Variants in SIGLEC14 observed in about 807,000 individuals in gnomAD.
SIGLEC14 encodes sialic acid binding Ig like lectin 14.
SIGLEC14 carries 11 observed loss-of-function variants against 34.2 expected under a neutral mutation model. The ratio of observed to expected loss-of-function variants is 0.32; its 90% CI spans 0.20 to 0.53. The LOEUF is 0.53. Among genes scored for constraint, SIGLEC14 ranks in the 20% least tolerant of loss-of-function variants. SIGLEC14 has a pLI of 0.95. For synonymous variants in SIGLEC14, 99 were observed against 179.7 expected (o/e 0.55, Z 3.59); for missense variants, 264 against 439.0 (o/e 0.60, Z 3.56).
intron 4 of SIGLEC14, among the ~76,000 whole-genome samples, chr19:51,644,598 G>T (rs933852191): frequency 1.5e-5 from 2 of 137,314 alleles, no homozygotes; most frequent in Non-Finnish European, 3.1e-5. Flanking sequence ...GGTTGAGCAC[G>T]AGACTTGAGC....
chr19:51,640,110 G>A lies in SIGLEC14; in HGVS notation c.*3245C>T, dbSNP rs560032642. Reference sequence around the variant, plus strand: ...ATTTTGGAAAATTATCCTTCAAAACGAAAGAGAAGGAGTCGTGCTTTTATT... The same window carrying A: ...ATTTTGGAAAATTATCCTTCAAAACAAAAGAGAAGGAGTCGTGCTTTTATT... On this transcript the variant is annotated 3_prime_UTR_variant, in exon 7 of 7. Transcript: ENST00000360844. Among the ~76,000 whole-genome samples, 2 of 139,212 alleles carry A rather than the reference G, an allele frequency of 1.4e-5. No homozygotes were observed. The highest frequency in any genetic ancestry group is 3.1e-5 in the Non-Finnish European group (2 of 64,958). The allele number at this position is 139,212 out of a possible 152,430, so 91.3% of individuals were successfully genotyped here.
rs7247844 is a variant in SIGLEC14, at chr19:51,641,845, G to A, written c.*1510C>T. Among the ~76,000 whole-genome samples the A allele has an allele frequency of 0.066, 9,151 of 138,202 alleles. 1,937 individuals carry two copies. The highest frequency in any genetic ancestry group is 0.18 in the East Asian group (517 of 2,922). 90.7% of individuals were successfully genotyped at this position (138,202 alleles called of 152,430 possible). A position where few individuals can be genotyped will look rare whatever the true frequency, so the allele number is the denominator to read the frequency against. On this transcript the variant is annotated 3_prime_UTR_variant, in exon 7 of 7. Transcript: ENST00000360844. The stretch of plus-strand genomic sequence containing the variant: ...TGAGGAAAATAACTAATGGGTACTA[G>A]GCTTAATATCTGGGTGATGCAATAA...
Position 51,642,720 on chromosome 19 carries a change from G to A in SIGLEC14, c.*635C>T. 7.2e-6 allele frequency: 1 copy of A among 139,108 alleles called. No individual in the cohort carries two copies. Among genetic ancestry groups the A allele is most frequent in the Non-Finnish European group, 1.5e-5 (1 of 65,448 alleles). The allele number at this position is 139,108 out of a possible 1,614,324, so 8.6% of individuals were successfully genotyped here. Reference sequence around the variant, plus strand: ...AGCTGAGGAGACCAGAAATTCAAGTGTTAAGAAGGTAACTTTTGGCAGCCA... The same window carrying A: ...AGCTGAGGAGACCAGAAATTCAAGTATTAAGAAGGTAACTTTTGGCAGCCA... On this transcript the variant is annotated 3_prime_UTR_variant, in exon 7 of 7. Transcript: ENST00000360844.
At position 51,645,607 on chromosome 19, in the gene SIGLEC14, G is replaced by A. The variant is rs554823644; in HGVS notation, c.701-77C>T. 4.3e-5 allele frequency: 63 copies of A among 1,472,224 alleles called. 10 individuals carry two copies. Among genetic ancestry groups the A allele is most frequent in the Non-Finnish European group, 5.8e-5 (63 of 1,089,982 alleles). 91.2% of individuals were successfully genotyped at this position (1,472,224 alleles called of 1,614,324 possible). On this transcript the variant is annotated intron_variant, in intron 3 of 6. Coordinates refer to ENST00000360844, the MANE Select transcript of SIGLEC14 (RefSeq NM_001098612.3). Reference sequence around the variant, plus strand: ...GTGGTCCCGGGAGGGACCCAAGGAGGGGCCACAGAAACCCACCAGGTGGGG... The same window carrying A: ...GTGGTCCCGGGAGGGACCCAAGGAGAGGCCACAGAAACCCACCAGGTGGGG...
At chr19:51,643,483 G>GGGGGGGGGGGGGGGCCCCCCCCCCC in intron 6 of SIGLEC14, 54 bp downstream of exon 6, 4 of 1,297,872 alleles carry the variant, frequency 3.1e-6, no homozygotes, top group Non-Finnish European at 4.0e-6. Flanking sequence ...GGGCAGGACA[G>GGGGGGGGGGGGGGGCCCCCCCCCCC]CTCAGCCCCA....
intron 2 of SIGLEC14, 92 bp from the exon 3 acceptor site, chr19:51,646,152 C>T: frequency 1.2e-6 from 1 of 830,880 alleles, no homozygotes; most frequent in Non-Finnish European, 1.7e-6. Flanking sequence ...CCCCGACCTG[C>T]CCCAAGTCCT....
rs931806898 is a variant in SIGLEC14, at chr19:51,639,959, A to G, written c.*3396T>C. ...TATAAAAGCAGCAAGACATAAACAG[A>G]TATTGCCTTAAATGGAACCACAATA... On this transcript the variant is annotated 3_prime_UTR_variant, in exon 7 of 7. Transcript: ENST00000360844. 10 of 139,744 alleles carry G rather than the reference A, an allele frequency of 7.2e-5. 1 individual carries two copies. Among genetic ancestry groups the G allele is most frequent in the Admixed American group, 6.9e-4 (10 of 14,470 alleles). 8.7% of individuals were successfully genotyped at this position (139,744 alleles called of 1,614,324 possible).
chr19:51,646,589 G>A lies in SIGLEC14; in HGVS notation c.89C>T (p.Thr30Met), dbSNP rs1984057161. 3.9e-6 allele frequency: 2 copies of A among 515,562 alleles called. No homozygotes were observed. Among genetic ancestry groups the A allele is most frequent in the Non-Finnish European group, 3.1e-6 (1 of 318,010 alleles). The allele number at this position is 515,562 out of a possible 1,614,324, so 31.9% of individuals were successfully genotyped here. A position where few individuals can be genotyped will look rare whatever the true frequency, so the allele number is the denominator to read the frequency against. ...AAGGACGCACAGGCCCTCCTGCACC[G>A]TCACCGACTTCTGCACTTGCAGCTC... ...VYELQVQKSV[T>M]VQEGLCVLVP... The change falls in exon 2 of 7, where the codon ACG (threonine) becomes ATG (methionine). Residue 30 changes from threonine to methionine, a missense_variant. Thr to Met is a moderately conservative substitution (Grantham distance 81). Transcript: ENST00000360844.
In SIGLEC14 at chr19:51,644,043, AAG is replaced by A. The variant is rs1426935164; in HGVS notation, c.755-9_755-8del. 4 of 1,497,324 alleles carry A rather than the reference AAG, an allele frequency of 2.7e-6. 1 individual carries two copies. Among genetic ancestry groups the A allele is most frequent in the Admixed American group, 1.8e-5 (1 of 54,272 alleles). The allele number at this position is 1,497,324 out of a possible 1,614,324, so 92.8% of individuals were successfully genotyped here. A position where few individuals can be genotyped will look rare whatever the true frequency, so the allele number is the denominator to read the frequency against. On this transcript the variant is annotated splice_region_variant and splice_polypyrimidine_tract_variant and intron_variant, in intron 4 of 6. Coordinates refer to ENST00000360844, the MANE Select transcript of SIGLEC14 (RefSeq NM_001098612.3). ...TTGCTCAGGATCCGCAGGGCTGGGAAAGAGAAGCACAGCCAGGTGAGTGGAGC... is the reference window on the plus strand; with the variant it reads ...TTGCTCAGGATCCGCAGGGCTGGGAAAGAAGCACAGCCAGGTGAGTGGAGC...
rs55682160 is a variant in SIGLEC14, at chr19:51,642,069, T to C, written c.*1286A>G. On this transcript the variant is annotated 3_prime_UTR_variant, in exon 7 of 7. Coordinates refer to ENST00000360844, the MANE Select transcript of SIGLEC14 (RefSeq NM_001098612.3). ...ACTTAGAAATTAAACAACACACTTC[T>C]AAGCAATCCGTGAATTCAAAGGAAA... 0.047 allele frequency among the ~76,000 whole-genome samples: 6,559 copies of C among 139,588 alleles called. 1,134 individuals are homozygous for C. The highest frequency in any genetic ancestry group is 0.068 in the Non-Finnish European group (4,412 of 65,034). The allele number at this position is 139,588 out of a possible 152,430, so 91.6% of individuals were successfully genotyped here. A position where few individuals can be genotyped will look rare whatever the true frequency, so the allele number is the denominator to read the frequency against.
At chr19:51,645,327 G>T in intron 4 of SIGLEC14, 150 bp downstream of exon 4, 1 of 632,684 alleles carries the variant, frequency 1.6e-6, no homozygotes, top group Non-Finnish European at 2.7e-6. Context: ...GTTCGTGCAA[G>T]ATCTTAGTGA....
intron 6 of SIGLEC14, 65 bp from the exon 7 acceptor site, chr19:51,643,462 G>T: frequency 1.5e-6 from 2 of 1,340,480 alleles, no homozygotes; most frequent in African/African-American, 1.8e-5. Context: ...AGGTGGGGCT[G>T]AGCTGTCCTG....
At chr19:51,644,084 T>G in intron 4 of SIGLEC14, 48 bp from the exon 5 acceptor site, 1 of 1,428,916 alleles carries the variant, frequency 7.0e-7, no homozygotes, top group Non-Finnish European at 9.2e-7. Flanking sequence ...GAGGCCCAAT[T>G]CTCCCTCATT....
At position 51,641,418 on chromosome 19, in the gene SIGLEC14, C is replaced by T. The variant is rs1332465899; in HGVS notation, c.*1937G>A. Among the ~76,000 whole-genome samples, 6 of 139,004 alleles carry T rather than the reference C, an allele frequency of 4.3e-5. 2 individuals carry two copies. The highest frequency in any genetic ancestry group is 1.1e-4 in the African/African-American group (4 of 36,552). 91.2% of individuals were successfully genotyped at this position (139,004 alleles called of 152,430 possible). ...AAGACCTAAACATAGAAATACCATT[C>T]GACTCAGCAATCCCATTCCTAGGCA... On this transcript the variant is annotated 3_prime_UTR_variant, in exon 7 of 7. Coordinates refer to ENST00000360844, the MANE Select transcript of SIGLEC14 (RefSeq NM_001098612.3).
Position 51,643,951 on chromosome 19 carries a change from G to A in SIGLEC14, c.840C>T (p.Pro280=), listed in dbSNP as rs1228602979. The A allele has an allele frequency of 4.6e-6, 7 of 1,533,982 alleles. 2 individuals carry two copies. Among genetic ancestry groups the A allele is most frequent in the East Asian group, 6.9e-5 (2 of 28,950 alleles). ...LFLACTVDSN[P]PASLSWFREG... Reference sequence around the variant, plus strand: ...CCCGGAACCAGCTCAGTGAGGCAGGGGGGTTGCTGTCAACTGTGCAGGCGA... The same window carrying A: ...CCCGGAACCAGCTCAGTGAGGCAGGAGGGTTGCTGTCAACTGTGCAGGCGA... Residue 280 remains proline, a synonymous_variant, in exon 5 of 7, where the codon CCC becomes CCT. Coordinates refer to ENST00000360844, the MANE Select transcript of SIGLEC14 (RefSeq NM_001098612.3).
chr19:51,643,508 G>C, intron 6 of SIGLEC14, 29 bp downstream of exon 6: 1 of 1,472,018 alleles, frequency 6.8e-7, no homozygotes, highest in Non-Finnish European at 9.0e-7. Flanking sequence ...GAACTCAGGA[G>C]CTTCCTGGAG....
rs2122122449 is a variant in SIGLEC14, at chr19:51,642,518, G to A, written c.*837C>T. 1.6e-5 allele frequency: 2 copies of A among 126,706 alleles called. No individual in the cohort carries two copies. Among genetic ancestry groups the A allele is most frequent in the African/African-American group, 3.1e-5 (1 of 32,726 alleles). The allele number at this position is 126,706 out of a possible 1,614,324, so 7.8% of individuals were successfully genotyped here. ...CTCTGTCTCAAAGAAAAAAAAAAAA[G>A]ACATAATTTTTGTCTACAAACTCTC... On this transcript the variant is annotated 3_prime_UTR_variant, in exon 7 of 7. Coordinates refer to ENST00000360844, the MANE Select transcript of SIGLEC14 (RefSeq NM_001098612.3).
chr19:51,645,200 A>T (rs923925474), intron 4 of SIGLEC14, among the ~76,000 whole-genome samples: 1 of 139,354 alleles, frequency 7.2e-6, no homozygotes, highest in African/African-American at 2.7e-5. Context: ...GCTGAACTGT[A>T]CTCTTTAAAA....
Position 51,646,379 on chromosome 19 carries a change from T to A in SIGLEC14, c.299A>T (p.Asn100Ile). The change falls in exon 2 of 7, where the codon AAC (asparagine) becomes ATC (isoleucine). Residue 100 changes from asparagine to isoleucine, a missense_variant. By Grantham distance (149) the Asn-to-Ile change is moderately radical (BLOSUM62 -3). This residue lies in a region of SIGLEC14 where 31 missense variants were observed against 67.4 expected (regional missense o/e 0.46). Coordinates refer to ENST00000360844, the MANE Select transcript of SIGLEC14 (RefSeq NM_001098612.3). ...FRLLGDVQKK[N>I]CSLSIGDARM... Reference sequence around the variant, plus strand: ...GGCATCTCCGATGCTCAGGGAGCAGTTCTTCTTCTGGACATCCCCAAGGAG... The same window carrying A: ...GGCATCTCCGATGCTCAGGGAGCAGATCTTCTTCTGGACATCCCCAAGGAG... The A allele has an allele frequency of 1.7e-6, 2 of 1,169,666 alleles. No homozygotes were observed. Among genetic ancestry groups the A allele is most frequent in the Non-Finnish European group, 2.3e-6 (2 of 876,468 alleles). 72.5% of individuals were successfully genotyped at this position (1,169,666 alleles called of 1,614,324 possible).
Sources: gnomAD v4.1 joint callset for allele counts (sites outside exome capture counted in the v4.1 genomes callset) on GRCh38, gnomAD v4.1.1 for gene constraint, gnomAD v4.1.1 regional missense constraint, MANE v1.5 for transcripts, NCBI Gene and HGNC (gene_info 2026-07-23, HGNC 2026-07-21) for gene names.